DAB1: variants seen among roughly 807,000 people sequenced by gnomAD.
The protein encoded by DAB1 is disabled homolog 1.
In DAB1, 15 loss-of-function variants were observed where a neutral mutation model predicts 64.6. That is an observed-to-expected ratio of 0.23 (90% CI 0.16 to 0.36). The LOEUF (loss-of-function observed/expected upper bound fraction) is 0.36, where lower values mean the gene tolerates loss of function less well. DAB1 is among the 10% of genes least tolerant of loss of function. The pLI, the probability that DAB1 is intolerant of heterozygous loss-of-function variation, is 1.00. For synonymous variants in DAB1, 235 were observed against 251.9 expected, an observed-to-expected ratio of 0.93 and a Z score of 0.64; for missense variants, 596 against 706.7, an observed-to-expected ratio of 0.84 and a Z score of 1.78.
At chr1:58,227,707 G>A (rs1215730364) in intron 4 of DAB1, among the ~76,000 whole-genome samples, 1 of 152,158 alleles carries the variant, frequency 6.6e-6, no homozygotes, top group Non-Finnish European at 1.5e-5. Context: ...GGAGAAGTAG[G>A]TCATGGAGGG....
intron 1 of DAB1, among the ~76,000 whole-genome samples, chr1:58,530,434 C>A (rs1646417167): frequency 6.6e-6 from 1 of 152,152 alleles, no homozygotes; most frequent in Non-Finnish European, 1.5e-5. Flanking sequence ...TTTAAATATT[C>A]ATATATAAGA....
At chr1:57,832,966 A>G (rs915393487) in intron 1 of DAB1, among the ~76,000 whole-genome samples, 3 of 151,990 alleles carry the variant, frequency 2.0e-5, no homozygotes, top group Admixed American at 6.6e-5. Flanking sequence ...ATCCTGACAC[A>G]TATTTGAACC....
intron 4 of DAB1, among the ~76,000 whole-genome samples, chr1:58,299,158 G>A (rs1662060352): frequency 6.6e-6 from 1 of 152,194 alleles, no homozygotes; most frequent in South Asian, 2.1e-4. Context: ...ACCCAGCAGA[G>A]GGTCTGGCTC....
At chr1:57,949,878 T>G (rs1183857451) in intron 5 of DAB1, among the ~76,000 whole-genome samples, 1 of 152,162 alleles carries the variant, frequency 6.6e-6, no homozygotes, top group African/African-American at 2.4e-5. Context: ...GCACTGGGGT[T>G]GTCCCTTTTA....
At chr1:57,690,318 C>G (rs189057377) in intron 6 of DAB1, among the ~76,000 whole-genome samples, 8 of 152,228 alleles carry the variant, frequency 5.3e-5, no homozygotes, top group African/African-American at 1.9e-4. Flanking sequence ...AAATTGTAAT[C>G]CCCTATGTCA....
chr1:58,012,698 T>TA (rs1646685498), intron 5 of DAB1, among the ~76,000 whole-genome samples: 1 of 152,108 alleles, frequency 6.6e-6, no homozygotes, highest in Admixed American at 6.5e-5. Flanking sequence ...TACGAGAAGA[T>TA]AACCATCTGC....
intron 7 of DAB1, among the ~76,000 whole-genome samples, chr1:57,540,471 G>T (rs1644788226): frequency 1.3e-5 from 2 of 152,084 alleles, no homozygotes; most frequent in Non-Finnish European, 2.9e-5. Context: ...AAGCAAATAG[G>T]TATATCAAAG....
intron 1 of DAB1, among the ~76,000 whole-genome samples, chr1:57,364,807 C>T (rs1401977572): frequency 6.7e-6 from 1 of 149,834 alleles, no homozygotes; most frequent in Non-Finnish European, 1.5e-5. Flanking sequence ...AGTTCAAAAT[C>T]AGGCAAAATG....
chr1:57,465,993 C>T (rs927310342), intron 7 of DAB1, among the ~76,000 whole-genome samples: 6 of 152,164 alleles, frequency 3.9e-5, no homozygotes, highest in Non-Finnish European at 7.4e-5. Flanking sequence ...GTTGATGAAA[C>T]ACTGTCAAAG....
intron 5 of DAB1, among the ~76,000 whole-genome samples, chr1:58,057,259 A>T (rs902896465): frequency 5.9e-5 from 9 of 151,972 alleles, no homozygotes; most frequent in African/African-American, 2.2e-4. Context: ...TTTCACCTTT[A>T]TTCATTTCTA....
At position 57,998,592 on chromosome 1, in the gene DAB1, G is replaced by A. The variant is rs147599980; in HGVS notation, n.388-114430C>T. 7.2e-5 allele frequency among the ~76,000 whole-genome samples: 11 copies of A among 152,150 alleles called. No individual in the cohort carries two copies. In the East Asian group the frequency reaches 1.2e-3, roughly 16 times the overall value. On this transcript the variant is annotated intron_variant and non_coding_transcript_variant, in intron 5 of 20. Coordinates refer to the DAB1 transcript ENST00000485760. ...TTGGCCAGGCTGGTCTCAAACTTCC[G>A]ACCTCAGGTGATCCACCTGCCTTGG...
chr1:57,964,970 A>C (rs2100286953), intron 5 of DAB1, among the ~76,000 whole-genome samples: 1 of 150,820 alleles, frequency 6.6e-6, no homozygotes, highest in Non-Finnish European at 1.5e-5. Context: ...AGGAACTAAA[A>C]AAAGTGTTTC....
At chr1:58,021,263 G>T (rs1646811329) in intron 5 of DAB1, among the ~76,000 whole-genome samples, 1 of 152,192 alleles carries the variant, frequency 6.6e-6, no homozygotes, top group African/African-American at 2.4e-5. Context: ...GGGCATAAAA[G>T]CTGAGCATGT....
At chr1:58,456,073 G>C (rs1355464421) in intron 3 of DAB1, among the ~76,000 whole-genome samples, 1 of 152,252 alleles carries the variant, frequency 6.6e-6, no homozygotes, top group Non-Finnish European at 1.5e-5. Flanking sequence ...GTTTTGTGGA[G>C]ATGAAATTAC....
chr1:57,666,084 G>T (rs1646444320), intron 6 of DAB1, among the ~76,000 whole-genome samples: 1 of 152,172 alleles, frequency 6.6e-6, no homozygotes, highest in Middle Eastern at 3.4e-3. Flanking sequence ...AGTTAAAAAA[G>T]TTGCTAGAGG....
intron 2 of DAB1, among the ~76,000 whole-genome samples, chr1:57,162,525 A>T (rs1660848680): frequency 1.3e-5 from 2 of 152,220 alleles, no homozygotes; most frequent in Admixed American, 1.3e-4. Context: ...TAAACCACAA[A>T]TGAACAAGAG....
intron 7 of DAB1, among the ~76,000 whole-genome samples, chr1:57,507,629 G>A (rs1461531715): frequency 1.3e-5 from 2 of 152,154 alleles, no homozygotes; most frequent in Non-Finnish European, 2.9e-5. Flanking sequence ...CCTCTGACAA[G>A]TAGAGGTCTG....
At chr1:57,949,712 C>A (rs139846583) in intron 5 of DAB1, among the ~76,000 whole-genome samples, 1 of 152,146 alleles carries the variant, frequency 6.6e-6, no homozygotes, top group African/African-American at 2.4e-5. Flanking sequence ...GATTCACCTA[C>A]ATTTTTGCAG....
chr1:57,297,724 T>C (rs1483428702), intron 1 of DAB1, among the ~76,000 whole-genome samples: 3 of 152,180 alleles, frequency 2.0e-5, no homozygotes, highest in Non-Finnish European at 2.9e-5. Flanking sequence ...CTCAAACTCT[T>C]AACACAAAGA....
Sources: allele counts gnomAD v4.1 joint callset (sites outside exome capture counted in the v4.1 genomes callset), GRCh38; gene constraint gnomAD v4.1.1; transcripts MANE v1.5; gene names NCBI Gene and HGNC (gene_info 2026-07-23, HGNC 2026-07-21).